Variants in PTCH1 observed in about 807,000 individuals in gnomAD.
The protein encoded by PTCH1 is protein patched homolog 1.
Under a neutral mutation model 144.6 loss-of-function variants are expected in PTCH1, and 14 were observed. The observed-to-expected ratio is 0.10, with a 90% CI of 0.06 to 0.15. The LOEUF is 0.15. Ranked by LOEUF, PTCH1 falls within the 10% of genes least tolerant of loss-of-function variation. PTCH1 has a pLI of 1.00. For synonymous variants in PTCH1, 833 were observed against 793.6 expected, an observed-to-expected ratio of 1.05 and a Z score of -0.83; for missense variants, 1,623 against 1,948.3, an observed-to-expected ratio of 0.83 and a Z score of 3.14.
chr9:95,480,907 A>T (rs941691703), intron 5 of PTCH1, among the ~76,000 whole-genome samples: 15 of 150,306 alleles, frequency 1.0e-4, no homozygotes, highest in African/African-American at 2.4e-4. Flanking sequence ...CCAAAATTAA[A>T]TTTTTTTTTT....
At chr9:95,460,183 G>A (rs1439289825) in intron 16 of PTCH1, among the ~76,000 whole-genome samples, 1 of 152,190 alleles carries the variant, frequency 6.6e-6, no homozygotes, top group Non-Finnish European at 1.5e-5. Flanking sequence ...AACACTGAAG[G>A]AAATGCCACC....
intron 15 of PTCH1, among the ~76,000 whole-genome samples, chr9:95,466,847 G>A (rs1840046871): frequency 6.6e-6 from 1 of 152,314 alleles, no homozygotes; most frequent in East Asian, 1.9e-4. Context: ...GGCTCCACCT[G>A]TTACAACATG....
rs184699781 is a variant in PTCH1 at position 95,459,239 on chromosome 9, G to A, written c.2887+361C>T. Among the ~76,000 whole-genome samples the A allele has an allele frequency of 1.8e-4, 28 of 152,280 alleles. No individual in the cohort carries two copies. In the East Asian group the frequency reaches 4.6e-3, roughly 25 times the overall value. On this transcript the variant is annotated intron_variant, in intron 17 of 23. Transcript: ENST00000331920. ...TCCCTTCAACACCAGAGTTGACAAAGTTAAGATAAACATATAATCCCCAGC... is the reference window on the plus strand; with the variant it reads ...TCCCTTCAACACCAGAGTTGACAAAATTAAGATAAACATATAATCCCCAGC...
At chr9:95,457,909 A>C (rs1298946262) in intron 18 of PTCH1, 104 bp downstream of exon 18, 1 of 1,451,828 alleles carries the variant, frequency 6.9e-7, no homozygotes, top group African/African-American at 1.4e-5. Context: ...GATGCAAGCT[A>C]TACCCTCCTC....
Position 95,476,695 on chromosome 9 carries a change from A to G in PTCH1, c.1602+64T>C, listed in dbSNP as rs982405618. The G allele has an allele frequency of 6.8e-7, 1 of 1,480,120 alleles. No individual in the cohort carries two copies. The highest frequency in any genetic ancestry group is 9.3e-7 in the Non-Finnish European group (1 of 1,073,630). The allele number at this position is 1,480,120 out of a possible 1,614,324, so 91.7% of individuals were successfully genotyped here. A position where few individuals can be genotyped will look rare whatever the true frequency, so the allele number is the denominator to read the frequency against. On this transcript the variant is annotated intron_variant, in intron 11 of 23. Coordinates refer to ENST00000331920, the MANE Select transcript of PTCH1 (RefSeq NM_000264.5). This position sits in a 1 kb window ranked among gnomAD's most constrained non-coding sequence, Gnocchi z 4.6. Reference sequence around the variant, plus strand: ...GTCAGACTGAGGAAAATTAAAGGACAAATACTTAGGAACAGAGGAAGCTGT... The same window carrying G: ...GTCAGACTGAGGAAAATTAAAGGACGAATACTTAGGAACAGAGGAAGCTGT...
intron 19 of PTCH1, among the ~76,000 whole-genome samples, chr9:95,454,445 C>T (rs1027174551): frequency 1.9e-4 from 29 of 152,186 alleles, no homozygotes; most frequent in Admixed American, 7.2e-4. Context: ...CTGAGACGGT[C>T]GTTCTCCTTA....
chr9:95,498,745 G>A (rs1276092814), intron 2 of PTCH1, among the ~76,000 whole-genome samples: 1 of 152,170 alleles, frequency 6.6e-6, no homozygotes, highest in Non-Finnish European at 1.5e-5. Context: ...TTTATATTTT[G>A]ATGACCCTGA....
chr9:95,508,716 G>A lies in PTCH1; in HGVS notation c.-355C>T, dbSNP rs1207206840. On this transcript the variant is annotated 5_prime_UTR_variant, in exon 1 of 24. Transcript: ENST00000331920. ...GAGCCTGTCCTTCGGGCGCTTCCGC[G>A]GCACTCCTTGCGGTCCCCAACTCCC... 1 of 986,426 alleles carries A rather than the reference G, an allele frequency of 1.0e-6. No individual in the cohort carries two copies. Among genetic ancestry groups the A allele is most frequent in the African/African-American group, 1.7e-5 (1 of 57,174 alleles). 61.1% of individuals were successfully genotyped at this position (986,426 alleles called of 1,614,324 possible).
chr9:95,461,905 T>C lies in PTCH1; in HGVS notation c.2654A>G (p.Lys885Arg), dbSNP rs1272128871. Residue 885 changes from lysine (K) to arginine (R), a missense_variant, in exon 16 of 24, where the codon AAA (lysine) becomes AGA (arginine). Coordinates refer to ENST00000331920, the MANE Select transcript of PTCH1 (RefSeq NM_000264.5). Reference protein sequence around the residue: ...NGSDDGVLAYKLLVQTGSRDK... With the variant: ...NGSDDGVLAYRLLVQTGSRDK... ...GCGGCTGCCGGTTTGCACCAGGAGT[T>C]TGTAGGCAAGGACTCCATCGTCTGA... 2 of 1,614,086 alleles carry C rather than the reference T, an allele frequency of 1.2e-6. No homozygotes were observed. Among genetic ancestry groups the C allele is most frequent in the African/African-American group, 2.7e-5 (2 of 74,928 alleles).
chr9:95,501,936 A>T (rs1843175074), intron 2 of PTCH1, among the ~76,000 whole-genome samples: 1 of 152,182 alleles, frequency 6.6e-6, no homozygotes, highest in Non-Finnish European at 1.5e-5. Flanking sequence ...GGCTCCAGGG[A>T]AAACACTAGA....
intron 1 of PTCH1, chr9:95,507,034 A>T: frequency 1.0e-6 from 1 of 988,866 alleles, no homozygotes; most frequent in African/African-American, 1.7e-5. Flanking sequence ...ACCCTCGGGG[A>T]CGGGCGCTAG....
At position 95,480,392 on chromosome 9, in the gene PTCH1, T is replaced by C. The variant is rs1564055253; in HGVS notation, c.943A>G (p.Lys315Glu). Residue 315 changes from lysine to glutamate, a missense_variant and splice_region_variant, in exon 6 of 24, where the codon AAA (lysine) becomes GAA (glutamate). Coordinates refer to ENST00000331920, the MANE Select transcript of PTCH1 (RefSeq NM_000264.5). ...PATAPNKNST[K>E]PLDMALVLNG... The stretch of plus-strand genomic sequence containing the variant: ...GAGCGCTCACTGCTGGTACTCACTT[T>C]GGTTGAATTTTTGTTGGGGGCTGTG... 1 of 1,610,190 alleles carries C rather than the reference T, an allele frequency of 6.2e-7. No homozygotes were observed. Among genetic ancestry groups the C allele is most frequent in the Non-Finnish European group, 8.5e-7 (1 of 1,179,418 alleles).
At chr9:95,453,209 T>A in intron 20 of PTCH1, 2 of 436,604 alleles carry the variant, frequency 4.6e-6, no homozygotes, top group South Asian at 4.0e-5. Flanking sequence ...CTCAGCTCAC[T>A]GCAACCTCCG....
At chr9:95,493,435 T>C (rs1842568548) in intron 2 of PTCH1, among the ~76,000 whole-genome samples, 1 of 152,202 alleles carries the variant, frequency 6.6e-6, no homozygotes, top group South Asian at 2.1e-4. Context: ...GTGTGCTGAA[T>C]GAATAAATGA....
intron 2 of PTCH1, among the ~76,000 whole-genome samples, chr9:95,497,804 A>C (rs1400033653): frequency 1.3e-5 from 2 of 152,150 alleles, no homozygotes; most frequent in African/African-American, 4.8e-5. Context: ...CAATGTGTTT[A>C]TCTGGGTTTT....
At chr9:95,506,737 G>T in intron 1 of PTCH1, 138 bp from the exon 2 acceptor site, 1 of 1,077,048 alleles carries the variant, frequency 9.3e-7, no homozygotes, top group Non-Finnish European at 1.2e-6. Flanking sequence ...ACTCGCCCTC[G>T]AGACTGCAGC....
At chr9:95,507,497 G>T (rs1843778358) in intron 1 of PTCH1, 1 of 956,324 alleles carries the variant, frequency 1.0e-6, no homozygotes, top group African/African-American at 1.8e-5. Flanking sequence ...CGAATTTAAG[G>T]TGGCAATTTG....
In PTCH1 at chr9:95,478,230, CT is replaced by C. The variant is rs754032236; in HGVS notation, c.1216-45del. The C allele has an allele frequency of 5.6e-6, 9 of 1,613,550 alleles. No homozygotes were observed. Among genetic ancestry groups the C allele is most frequent in the Non-Finnish European group, 7.6e-6 (9 of 1,179,750 alleles). On this transcript the variant is annotated intron_variant, in intron 8 of 23. Transcript: ENST00000331920. Reference sequence around the variant, plus strand: ...GCGAAATGCCCAAATGCAATGAACACTTCCACAAGCCTCGACAGCACAGATC... The same window carrying C: ...GCGAAATGCCCAAATGCAATGAACACTCCACAAGCCTCGACAGCACAGATC...
In PTCH1 at chr9:95,508,271, C is replaced by G. The variant is rs768512190; in HGVS notation, c.91G>C (p.Gly31Arg). Residue 31 changes from glycine to arginine, a missense_variant, in exon 1 of 24, where the codon GGG (glycine) becomes CGG (arginine). Around this residue, in one of 7 missense-constraint regions of PTCH1, gnomAD observed 245 missense variants for 240.6 expected, o/e 1.02. Transcript: ENST00000331920. ...IGAPGRPAGGGRRRRTGGLRR... is the reference protein window; with the variant it reads ...IGAPGRPAGGRRRRRTGGLRR... ...AGCCCCCCCGTCCGTCTGCGCCTCC[C>G]GCCTCCAGCCGGCCGTCCCGGGGCA... 1 of 1,570,306 alleles carries G rather than the reference C, an allele frequency of 6.4e-7. No individual in the cohort carries two copies. The highest frequency in any genetic ancestry group is 8.6e-7 in the Non-Finnish European group (1 of 1,161,446).
Sources: allele counts gnomAD v4.1 joint callset (sites outside exome capture counted in the v4.1 genomes callset), GRCh38; gene constraint gnomAD v4.1.1; regional missense constraint gnomAD v4.1.1; non-coding constraint Gnocchi (gnomAD v3.1); transcripts MANE v1.5; gene names NCBI Gene and HGNC (gene_info 2026-07-23, HGNC 2026-07-21).